Variants in MIS18A observed in about 807,000 individuals in gnomAD.
MIS18A encodes the protein protein Mis18-alpha.
In MIS18A, 14 loss-of-function variants were observed where a neutral mutation model predicts 25.0. The observed-to-expected ratio is 0.56, with a 90% confidence interval of 0.37 to 0.88. The LOEUF is 0.88. MIS18A is among the 40% of genes least tolerant of loss of function. The pLI, the probability that MIS18A is intolerant of heterozygous loss-of-function variation, is 0.00. For synonymous variants in MIS18A, 134 were observed against 118.6 expected, an observed-to-expected ratio of 1.13 and a Z score of -0.84; for missense variants, 292 against 290.8, an observed-to-expected ratio of 1.00 and a Z score of -0.03.
chr21:32,181,854 T>C, the MIS18A span, among the ~76,000 whole-genome samples: 4 of 152,198 alleles, frequency 2.6e-5, no homozygotes, highest in African/African-American at 9.7e-5. Flanking sequence ...TGATTAAGCA[T>C]GACCTCAGAA....
chr21:32,204,268 G>A, the MIS18A span, among the ~76,000 whole-genome samples: 1 of 152,094 alleles, frequency 6.6e-6, no homozygotes, highest in Non-Finnish European at 1.5e-5. Flanking sequence ...GGAGGCTGAG[G>A]TGGGTGGATC....
the MIS18A span, among the ~76,000 whole-genome samples, chr21:32,209,014 A>G: frequency 6.6e-5 from 10 of 152,252 alleles, no homozygotes; most frequent in African/African-American, 2.4e-4. Context: ...GCTTGAAAGC[A>G]AAGTTCTCGC....
At chr21:32,184,180 T>A in the MIS18A span, among the ~76,000 whole-genome samples, 6,646 of 152,206 alleles carry the variant, frequency 0.044, 190 homozygotes, top group Middle Eastern at 0.13. Flanking sequence ...CTGCTTATCA[T>A]CCCCGCTCAG....
At chr21:32,243,956 A>C in the MIS18A span, among the ~76,000 whole-genome samples, 1 of 152,210 alleles carries the variant, frequency 6.6e-6, no homozygotes, top group South Asian at 2.1e-4. Flanking sequence ...CCCGACTCAA[A>C]AAAATAAAAA....
At chr21:32,255,789 G>A in the MIS18A span, among the ~76,000 whole-genome samples, 1 of 151,660 alleles carries the variant, frequency 6.6e-6, no homozygotes, top group East Asian at 2.0e-4. Flanking sequence ...TACTCGGGAG[G>A]TTGAGGCAGG....
the MIS18A span, among the ~76,000 whole-genome samples, chr21:32,201,053 G>T: frequency 6.6e-6 from 1 of 152,110 alleles, no homozygotes; most frequent in Non-Finnish European, 1.5e-5. Context: ...GAGACATGGC[G>T]CCAGCATCTG....
the MIS18A span, among the ~76,000 whole-genome samples, chr21:32,214,330 T>A: frequency 1.3e-5 from 2 of 152,138 alleles, no homozygotes; most frequent in African/African-American, 2.4e-5. Flanking sequence ...AGAGAGTGCA[T>A]TGGACCTAGA....
chr21:32,204,890 C>T, the MIS18A span, among the ~76,000 whole-genome samples: 1 of 151,944 alleles, frequency 6.6e-6, no homozygotes, highest in African/African-American at 2.4e-5. Context: ...CTGGCTCAAA[C>T]AAACAAACAT....
At chr21:32,175,258 T>A in the MIS18A span, among the ~76,000 whole-genome samples, 1 of 152,176 alleles carries the variant, frequency 6.6e-6, no homozygotes, top group Non-Finnish European at 1.5e-5. Flanking sequence ...TACATCCATA[T>A]ATGGCACTTA....
the MIS18A span, among the ~76,000 whole-genome samples, chr21:32,199,760 A>G: frequency 2.0e-5 from 3 of 152,146 alleles, no homozygotes; most frequent in Non-Finnish European, 4.4e-5. Context: ...GTGAGCTGAA[A>G]TCACTACTGC....
At chr21:32,215,682 C>G in the MIS18A span, among the ~76,000 whole-genome samples, 5 of 152,134 alleles carry the variant, frequency 3.3e-5, no homozygotes, top group African/African-American at 1.2e-4. Flanking sequence ...CTTTCTTGCC[C>G]TCTTACTCAT....
At chr21:32,221,064 A>G in the MIS18A span, among the ~76,000 whole-genome samples, 1 of 152,198 alleles carries the variant, frequency 6.6e-6, no homozygotes, top group African/African-American at 2.4e-5. Flanking sequence ...ACTTCAGGAA[A>G]TTATCCAAGA....
At chr21:32,192,874 G>T in the MIS18A span, among the ~76,000 whole-genome samples, 4 of 152,310 alleles carry the variant, frequency 2.6e-5, no homozygotes, top group East Asian at 7.7e-4. Context: ...GCTGCTTCTA[G>T]GAGCTATAAG....
intron 3 of MIS18A, among the ~76,000 whole-genome samples, chr21:32,270,051 G>T (rs960557110): frequency 2.0e-5 from 3 of 152,190 alleles, no homozygotes; most frequent in South Asian, 2.1e-4. Flanking sequence ...TCCAGCCTGG[G>T]CGACAGAGTG....
chr21:32,270,302 T>C, intron 3 of MIS18A, 105 bp downstream of exon 3: 1 of 1,342,954 alleles, frequency 7.4e-7, no homozygotes, highest in Non-Finnish European at 1.0e-6. Context: ...AAATCATTAC[T>C]TGAAAATATA....
At chr21:32,164,913 T>A in the MIS18A span, among the ~76,000 whole-genome samples, 1 of 152,150 alleles carries the variant, frequency 6.6e-6, no homozygotes, top group Non-Finnish European at 1.5e-5. Flanking sequence ...TAGAATAACA[T>A]CCTTAAAAAT....
At chr21:32,190,303 T>G in the MIS18A span, among the ~76,000 whole-genome samples, 4 of 152,172 alleles carry the variant, frequency 2.6e-5, no homozygotes, top group Admixed American at 2.0e-4. Flanking sequence ...CTCTGGTAGC[T>G]AAAGGTGCCA....
At chr21:32,252,230 AAGAAGAAGAAGGAGGAGG>A in the MIS18A span, among the ~76,000 whole-genome samples, 201 of 92,316 alleles carry the variant, frequency 2.2e-3, no homozygotes, top group South Asian at 8.7e-3. Context: ...GAAGAAGAAG[AAGAAGAAGAAGGAGGAGG>A]AGGAGGAGGA....
At chr21:32,213,369 G>C in the MIS18A span, among the ~76,000 whole-genome samples, 55,867 of 151,768 alleles carry the variant, frequency 0.37, 10,389 homozygotes, top group East Asian at 0.45. Flanking sequence ...TTCTGACATA[G>C]AATTCACTCC....
Sources: gnomAD v4.1 joint callset for allele counts (sites outside exome capture counted in the v4.1 genomes callset) on GRCh38, gnomAD v4.1.1 for gene constraint, MANE v1.5 for transcripts, NCBI Gene and HGNC (gene_info 2026-07-23, HGNC 2026-07-21) for gene names.